RTF1: variants seen among roughly 807,000 people sequenced by gnomAD.
RTF1 encodes the protein RTF1 homolog, Paf1/RNA polymerase II complex component, also known as RNA polymerase-associated protein RTF1 homolog.
A neutral mutation model predicts 95.7 loss-of-function variants in RTF1; 10 were observed. That is an observed-to-expected ratio of 0.10 (90% confidence interval 0.06 to 0.18). The LOEUF (loss-of-function observed/expected upper bound fraction) is 0.18, where lower values mean the gene tolerates loss of function less well. Ranked by LOEUF, RTF1 falls within the 10% of genes least tolerant of loss-of-function variation. RTF1 has a pLI of 1.00. For missense variants in RTF1, 458 were observed against 875.6 expected (o/e 0.52, Z 6.02); for synonymous variants, 305 against 311.8 (o/e 0.98, Z 0.23).
intron 1 of RTF1, among the ~76,000 whole-genome samples, chr15:41,435,652 C>G (rs747368600): frequency 6.6e-5 from 10 of 152,182 alleles, no homozygotes; most frequent in Admixed American, 6.5e-4. Context: ...TGTTTATCAA[C>G]AAGAGAGTCA....
At chr15:41,466,089 T>G in intron 5 of RTF1, 52 bp from the exon 6 acceptor site, 4 of 1,236,866 alleles carry the variant, frequency 3.2e-6, no homozygotes, top group Non-Finnish European at 4.4e-6. Flanking sequence ...GTTTAGAGAA[T>G]CTTATCAGCT....
chr15:41,442,846 A>G (rs144773646), intron 2 of RTF1, among the ~76,000 whole-genome samples: 11 of 152,276 alleles, frequency 7.2e-5, no homozygotes, highest in African/African-American at 1.9e-4. Flanking sequence ...AGAACGCTCC[A>G]CTATATTCCA....
chr15:41,444,802 A>G (rs905655680), intron 2 of RTF1, among the ~76,000 whole-genome samples: 5 of 152,106 alleles, frequency 3.3e-5, no homozygotes, highest in South Asian at 4.1e-4. Context: ...AACTTACTGC[A>G]TATTTTCTGT....
At position 41,452,980 on chromosome 15, in the gene RTF1, C is replaced by T. The variant is rs2050796026; in HGVS notation, c.389C>T (p.Ala130Val). The T allele has an allele frequency of 6.2e-7, 1 of 1,612,294 alleles. No homozygotes were observed. The highest frequency in any genetic ancestry group is 1.3e-5 in the African/African-American group (1 of 74,684). Residue 130 changes from alanine to valine, a missense_variant, in exon 3 of 18, where the codon GCC (alanine) becomes GTC (valine). Around this residue, in one of 11 missense-constraint regions of RTF1, gnomAD observed 39 missense variants for 38.4 expected, o/e 1.02. Coordinates refer to ENST00000389629, the MANE Select transcript of RTF1 (RefSeq NM_015138.5). ...AAGAAAGGAACCATGAAGAAACAGGCCAACAAAACTGCCTCCTCAGGCAGT... is the reference window on the plus strand; with the variant it reads ...AAGAAAGGAACCATGAAGAAACAGGTCAACAAAACTGCCTCCTCAGGCAGT... ...IEKKGTMKKQANKTASSGSSD... is the reference protein window; with the variant it reads ...IEKKGTMKKQVNKTASSGSSD...
intron 2 of RTF1, among the ~76,000 whole-genome samples, chr15:41,450,815 A>G (rs1050884360): frequency 1.3e-5 from 2 of 151,386 alleles, no homozygotes; most frequent in African/African-American, 4.9e-5. Context: ...GCTGGGCATG[A>G]TGGTGCACAC....
chr15:41,457,028 A>G (rs986678935), intron 3 of RTF1, among the ~76,000 whole-genome samples: 1 of 151,592 alleles, frequency 6.6e-6, no homozygotes, highest in East Asian at 1.9e-4. Flanking sequence ...GGAAGTTGCA[A>G]TGAGCTGAGA....
intron 4 of RTF1, among the ~76,000 whole-genome samples, chr15:41,460,908 A>T (rs1046564551): frequency 2.2e-5 from 3 of 135,974 alleles, no homozygotes; most frequent in African/African-American, 8.4e-5. Context: ...ATGGAGTCTC[A>T]CTCTGTTGCC....
intron 12 of RTF1, among the ~76,000 whole-genome samples, chr15:41,476,799 A>G (rs1198416756): frequency 6.6e-6 from 1 of 152,230 alleles, no homozygotes; most frequent in East Asian, 1.9e-4. Flanking sequence ...GGTATTTAAC[A>G]CTGAGTCTGA....
Position 41,434,624 on chromosome 15 carries a change from C to CT in RTF1, c.199-3682dup, listed in dbSNP as rs61546529. Reference sequence around the variant, plus strand: ...CTTAGCAGGAAGGCAGTACTAATGTCTTTTTTTTTTTTTTTCTTTTTGAGA... The same window carrying CT: ...CTTAGCAGGAAGGCAGTACTAATGTCTTTTTTTTTTTTTTTTCTTTTTGAGA... On this transcript the variant is annotated intron_variant, in intron 1 of 17. Coordinates refer to ENST00000389629, the MANE Select transcript of RTF1 (RefSeq NM_015138.5). Among the ~76,000 whole-genome samples the CT allele has an allele frequency of 1.8e-3, 254 of 141,460 alleles. 1 individual carries two copies. The highest frequency in any genetic ancestry group is 7.3e-3 in the Middle Eastern group (2 of 274). 92.8% of individuals were successfully genotyped at this position (141,460 alleles called of 152,430 possible).
chr15:41,419,148 G>T (rs1250284908), intron 1 of RTF1, among the ~76,000 whole-genome samples: 1 of 152,124 alleles, frequency 6.6e-6, no homozygotes, highest in Non-Finnish European at 1.5e-5. Context: ...GTATAATTTC[G>T]ACTGTAAAAG....
At chr15:41,445,005 C>T (rs534946568) in intron 2 of RTF1, among the ~76,000 whole-genome samples, 193 of 152,242 alleles carry the variant, frequency 1.3e-3, no homozygotes, top group African/African-American at 4.5e-3. Flanking sequence ...GATCTTGGCT[C>T]ACTCCAAGCT....
At chr15:41,444,946 T>A (rs2050753506) in intron 2 of RTF1, among the ~76,000 whole-genome samples, 2 of 152,116 alleles carry the variant, frequency 1.3e-5, no homozygotes, top group South Asian at 2.1e-4. Context: ...TTATTTATTT[T>A]TTTGAGACGG....
At chr15:41,479,819 C>T (rs545090121) in intron 16 of RTF1, among the ~76,000 whole-genome samples, 40 of 150,194 alleles carry the variant, frequency 2.7e-4, no homozygotes, top group African/African-American at 9.1e-4. Context: ...GCCAAGATTG[C>T]ACCGTTGTAC....
intron 1 of RTF1, among the ~76,000 whole-genome samples, chr15:41,427,854 T>C (rs1018066220): frequency 6.6e-6 from 1 of 152,200 alleles, no homozygotes; most frequent in East Asian, 1.9e-4. Context: ...TGGGGCAATC[T>C]CAGCTCACTG....
intron 2 of RTF1, among the ~76,000 whole-genome samples, chr15:41,444,086 A>G (rs185955905): frequency 7.9e-4 from 120 of 151,210 alleles, no homozygotes; most frequent in African/African-American, 2.7e-3. Context: ...ACAAAGAAAA[A>G]GAAAAATTAA....
In RTF1 at chr15:41,417,386, C is replaced by T. The variant is rs368972924; in HGVS notation, c.198+73C>T. ...CGGGGCCGCGGGAGCCGGAGACGGC[C>T]GGGCCTGGAGCCTTCCTACCAGAGC... is the stretch of plus-strand genomic sequence containing the variant. On this transcript the variant is annotated intron_variant, in intron 1 of 17. Coordinates refer to ENST00000389629, the MANE Select transcript of RTF1 (RefSeq NM_015138.5). The T allele has an allele frequency of 5.3e-4, 643 of 1,203,906 alleles. 1 individual carries two copies. The African/African-American group carries it at 8.3e-3, about 16-fold the overall frequency. The allele number at this position is 1,203,906 out of a possible 1,614,324, so 74.6% of individuals were successfully genotyped here. A position where few individuals can be genotyped will look rare whatever the true frequency, so the allele number is the denominator to read the frequency against.
intron 1 of RTF1, among the ~76,000 whole-genome samples, chr15:41,429,361 T>C (rs1003472569): frequency 1.1e-4 from 16 of 152,172 alleles, no homozygotes; most frequent in Admixed American, 6.6e-4. Context: ...ATGCGACTGC[T>C]GTGGGTTCCT....
intron 2 of RTF1, among the ~76,000 whole-genome samples, chr15:41,440,727 G>C (rs1244965041): frequency 6.8e-6 from 1 of 147,904 alleles, no homozygotes; most frequent in East Asian, 2.1e-4. Context: ...CTGACCTCGT[G>C]ATCTGCCCGC....
intron 4 of RTF1, among the ~76,000 whole-genome samples, chr15:41,458,631 C>G (rs553355077): frequency 2.0e-5 from 3 of 151,588 alleles, no homozygotes; most frequent in Non-Finnish European, 4.4e-5. Flanking sequence ...CACCCGTAGT[C>G]CCAGCTACTC....
Sources: gnomAD v4.1 joint callset for allele counts (sites outside exome capture counted in the v4.1 genomes callset) on GRCh38, gnomAD v4.1.1 for gene constraint, gnomAD v4.1.1 regional missense constraint, MANE v1.5 for transcripts, NCBI Gene and HGNC (gene_info 2026-07-23, HGNC 2026-07-21) for gene names.